The following RSRP1 variants were observed in gnomAD, a reference collection of about 807,000 sequenced individuals.
RSRP1 encodes arginine and serine rich protein 1, also known as arginine/serine-rich protein 1.
A neutral mutation model predicts 33.0 loss-of-function variants in RSRP1; 37 were observed. The ratio of observed to expected loss-of-function variants is 1.12; its 90% CI spans 0.86 to 1.48. The LOEUF is 1.48. Among genes scored for constraint, RSRP1 ranks in the 40% most tolerant of loss-of-function variants. The pLI is 0.00. For missense variants in RSRP1, 402 were observed against 385.3 expected (o/e 1.04, Z -0.36); for synonymous variants, 167 against 158.7 (o/e 1.05, Z -0.40).
In RSRP1 at chr1:25,302,395, G is replaced by A. The variant is rs528762910; in HGVS notation, c.-67+35583C>T. Among the ~76,000 whole-genome samples the A allele has an allele frequency of 2.4e-5, 3 of 123,656 alleles. 1 individual carries two copies. The highest frequency in any genetic ancestry group is 5.5e-5 in the Non-Finnish European group (3 of 54,594). 81.1% of individuals were successfully genotyped at this position (123,656 alleles called of 152,430 possible). ...GGTGGGGCTCGGGTGGGAGGCACTG[G>A]GGGGGCTGGAGTGGAAAGAATGTGG... is the stretch of plus-strand genomic sequence containing the variant. On this transcript the variant is annotated intron_variant, in intron 1 of 1. Transcript: ENST00000561867.
At chr1:25,274,695 T>A (rs1327932554) in intron 1 of RSRP1, among the ~76,000 whole-genome samples, 1 of 133,456 alleles carries the variant, frequency 7.5e-6, no homozygotes, top group Non-Finnish European at 1.8e-5. Context: ...TAACATTGCA[T>A]TGCCCTGGAG....
chr1:25,272,904 G>C (rs1179510900), intron 1 of RSRP1, among the ~76,000 whole-genome samples: 1 of 132,012 alleles, frequency 7.6e-6, no homozygotes, highest in African/African-American at 2.6e-5. Flanking sequence ...CTTCTGTGAA[G>C]CCTGCCTTGA....
In RSRP1 at chr1:25,290,835, A is replaced by G. The variant is rs536119529; in HGVS notation, c.-66-43806T>C. The G allele has an allele frequency of 2.9e-6, 4 of 1,366,754 alleles. 1 individual carries two copies. In the East Asian group the frequency reaches 9.0e-5, roughly 31 times the overall value. 84.7% of individuals were successfully genotyped at this position (1,366,754 alleles called of 1,614,324 possible). On this transcript the variant is annotated intron_variant, in intron 1 of 1. Coordinates refer to the RSRP1 transcript ENST00000561867. Reference sequence around the variant, plus strand: ...AGGAGGGACCTGGGAGAAAAGGGCCAAAAGCTCCATTTGGTGGGGTTTCCA... The same window carrying G: ...AGGAGGGACCTGGGAGAAAAGGGCCGAAAGCTCCATTTGGTGGGGTTTCCA...
intron 1 of RSRP1, among the ~76,000 whole-genome samples, chr1:25,261,705 ATT>A (rs376795548): frequency 2.7e-3 from 256 of 93,656 alleles, no homozygotes; most frequent in East Asian, 0.019. Flanking sequence ...CGCCCAGCAG[ATT>A]TTTTTTTTTT....
rs575950510 is a variant in RSRP1, at chr1:25,333,877, G to T, written c.-67+4101C>A. 2.3e-4 allele frequency among the ~76,000 whole-genome samples: 30 copies of T among 130,322 alleles called. 11 individuals are homozygous for T. Among genetic ancestry groups the T allele is most frequent in the Admixed American group, 1.9e-3 (25 of 13,398 alleles). 85.5% of individuals were successfully genotyped at this position (130,322 alleles called of 152,430 possible). The stretch of plus-strand genomic sequence containing the variant: ...TATCACTATCACGAGAACAGCACGG[G>T]TAAGACCTGTCCCCATGATTCAGTT... On this transcript the variant is annotated intron_variant, in intron 1 of 1. Transcript: ENST00000561867.
chr1:25,331,251 C>T (rs1467519689), intron 1 of RSRP1, among the ~76,000 whole-genome samples: 1 of 131,150 alleles, frequency 7.6e-6, no homozygotes, highest in East Asian at 2.0e-4. Flanking sequence ...CAGGCGTGAG[C>T]CACCGCACCC....
chr1:25,278,445 C>A (rs1641202880), intron 1 of RSRP1, among the ~76,000 whole-genome samples: 1 of 131,668 alleles, frequency 7.6e-6, no homozygotes, highest in African/African-American at 2.6e-5. Context: ...TACTCATGAT[C>A]ATGATTCTGT....
At chr1:25,289,823 ATTT>A (rs71014347) in intron 1 of RSRP1, among the ~76,000 whole-genome samples, 2 of 115,858 alleles carry the variant, frequency 1.7e-5, no homozygotes, top group Admixed American at 8.3e-5. Context: ...TCATAAGTAC[ATTT>A]TTTTTTTTTT....
In RSRP1 at chr1:25,299,831, C is replaced by T. The variant is rs1643244069; in HGVS notation, c.-67+38147G>A. 1.5e-5 allele frequency among the ~76,000 whole-genome samples: 2 copies of T among 131,356 alleles called. 1 individual carries two copies. The highest frequency in any genetic ancestry group is 4.6e-4 in the South Asian group (2 of 4,322). The allele number at this position is 131,356 out of a possible 152,430, so 86.2% of individuals were successfully genotyped here. A position where few individuals can be genotyped will look rare whatever the true frequency, so the allele number is the denominator to read the frequency against. On this transcript the variant is annotated intron_variant, in intron 1 of 1. Transcript: ENST00000561867. ...GTGGCGACATCTCAGCTCACTATAG[C>T]CTCCGCCTCCCAGGTTCCAGTGAAT... is the stretch of plus-strand genomic sequence containing the variant.
chr1:25,319,325 G>A (rs1644576524), intron 1 of RSRP1, among the ~76,000 whole-genome samples: 3 of 132,734 alleles, frequency 2.3e-5, no homozygotes, highest in African/African-American at 5.1e-5. Context: ...TGAGCAAACT[G>A]GTGATTAAAA....
chr1:25,320,964 AC>A (rs1644665962), intron 1 of RSRP1, among the ~76,000 whole-genome samples: 1 of 130,150 alleles, frequency 7.7e-6, no homozygotes, highest in African/African-American at 2.6e-5. Context: ...GGGTTGCTTG[AC>A]CCCGGGAGTT....
At position 25,308,005 on chromosome 1, in the gene RSRP1, C is replaced by G. The variant is rs671776; in HGVS notation, c.-67+29973G>C. On this transcript the variant is annotated intron_variant, in intron 1 of 1. Transcript: ENST00000561867. ...ACTTGACCTAGCAAGGTCCTACTCACATGCCTGTAGAGAACAGGCAGGGGA... is the reference window on the plus strand; with the variant it reads ...ACTTGACCTAGCAAGGTCCTACTCAGATGCCTGTAGAGAACAGGCAGGGGA... Among the ~76,000 whole-genome samples the G allele has an allele frequency of 5.4e-4, 59 of 109,380 alleles. 2 individuals are homozygous for G. The East Asian group carries it at 9.2e-3, about 17-fold the overall frequency. 71.8% of individuals were successfully genotyped at this position (109,380 alleles called of 152,430 possible).
chr1:25,280,937 T>C (rs2124609281), intron 1 of RSRP1, among the ~76,000 whole-genome samples: 1 of 131,798 alleles, frequency 7.6e-6, no homozygotes, highest in South Asian at 2.3e-4. Flanking sequence ...TCCTAATCTT[T>C]AGGGCCCCAA....
Position 25,264,059 on chromosome 1 carries a change from C to CCT in RSRP1, c.-66-17032_-66-17031dup, listed in dbSNP as rs547667279. Among the ~76,000 whole-genome samples the CCT allele has an allele frequency of 6.5e-3, 992 of 151,740 alleles. 14 individuals are homozygous for CCT. The highest frequency in any genetic ancestry group is 0.022 in the African/African-American group (907 of 41,040). ...TCCCATGGTCTTGGGCAGCTCTGCC[C>CCT]CTGTACCTTTGCAGGGTACAGCCTC... On this transcript the variant is annotated intron_variant, in intron 1 of 1. Transcript: ENST00000561867.
intron 1 of RSRP1, among the ~76,000 whole-genome samples, chr1:25,278,292 G>A (rs1172759939): frequency 3.1e-5 from 4 of 130,512 alleles, no homozygotes; most frequent in Admixed American, 3.0e-4. Flanking sequence ...AGGTTGTGAG[G>A]ATGAATGAAC....
rs975146182 is a variant in RSRP1 at position 25,247,318 on chromosome 1, T to C, written c.-76A>G. The C allele has an allele frequency of 3.0e-5, 8 of 262,936 alleles. No individual in the cohort carries two copies. Among genetic ancestry groups the C allele is most frequent in the Middle Eastern group, 1.1e-3 (1 of 900 alleles). 16.3% of individuals were successfully genotyped at this position (262,936 alleles called of 1,614,324 possible). A position where few individuals can be genotyped will look rare whatever the true frequency, so the allele number is the denominator to read the frequency against. ...TCAGCAGAAAACTTACCGCACGCCG[T>C]CGACGCCTCCCTCACGACTGAGAGA... On this transcript the variant is annotated 5_prime_UTR_variant, in exon 1 of 5. Coordinates refer to ENST00000243189, the MANE Select transcript of RSRP1 (RefSeq NM_020317.5).
chr1:25,298,729 G>A (rs1219776357), intron 1 of RSRP1, among the ~76,000 whole-genome samples: 1 of 131,416 alleles, frequency 7.6e-6, no homozygotes, highest in Non-Finnish European at 1.8e-5. Context: ...GGACTCTTGT[G>A]GCAGTGGAAA....
At position 25,300,678 on chromosome 1, in the gene RSRP1, G is replaced by A. The variant is rs1237739857; in HGVS notation, c.-67+37300C>T. 1.4e-4 allele frequency among the ~76,000 whole-genome samples: 18 copies of A among 130,916 alleles called. 2 individuals carry two copies. Among genetic ancestry groups the A allele is most frequent in the Admixed American group, 6.6e-4 (9 of 13,546 alleles). The allele number at this position is 130,916 out of a possible 152,430, so 85.9% of individuals were successfully genotyped here. ...TACAAAATTAGCCCAGCGTAGTGGC[G>A]CATGCCTGTAATCCCAGCTACTAGG... On this transcript the variant is annotated intron_variant, in intron 1 of 1. Coordinates refer to the RSRP1 transcript ENST00000561867.
chr1:25,302,280 T>C lies in RSRP1; in HGVS notation c.-67+35698A>G, dbSNP rs867067270. Among the ~76,000 whole-genome samples, 45 of 127,878 alleles carry C rather than the reference T, an allele frequency of 3.5e-4. 15 individuals carry two copies. The highest frequency in any genetic ancestry group is 7.6e-4 in the Admixed American group (10 of 13,154). 83.9% of individuals were successfully genotyped at this position (127,878 alleles called of 152,430 possible). On this transcript the variant is annotated intron_variant, in intron 1 of 1. Transcript: ENST00000561867. Reference sequence around the variant, plus strand: ...TGTGTGTGAGTCTTGTGGGCAGAGATGGGTGAGAGGGGAGACAAAACAAGT... The same window carrying C: ...TGTGTGTGAGTCTTGTGGGCAGAGACGGGTGAGAGGGGAGACAAAACAAGT...
Sources: gnomAD v4.1 joint callset for allele counts (sites outside exome capture counted in the v4.1 genomes callset) on GRCh38, gnomAD v4.1.1 for gene constraint, MANE v1.5 for transcripts, NCBI Gene and HGNC (gene_info 2026-07-23, HGNC 2026-07-21) for gene names.